The following CACNB4 variants were observed in gnomAD, a reference collection of about 807,000 sequenced individuals.
The protein encoded by CACNB4 is calcium voltage-gated channel auxiliary subunit beta 4.
A neutral mutation model predicts 71.2 loss-of-function variants in CACNB4; 32 were observed. The ratio of observed to expected loss-of-function variants is 0.45; its 90% CI spans 0.34 to 0.60. The LOEUF is 0.60. CACNB4 is among the 20% of genes least tolerant of loss of function. The probability of loss-of-function intolerance (pLI) is 0.01; values close to 1 mark genes in which losing one functional copy is unlikely to be tolerated. For synonymous variants in CACNB4, 231 were observed against 236.9 expected (o/e 0.97, Z 0.23); for missense variants, 464 against 647.9 (o/e 0.72, Z 3.08).
chr2:151,990,419 T>C (rs1031582676), intron 2 of CACNB4, among the ~76,000 whole-genome samples: 1 of 152,104 alleles, frequency 6.6e-6, no homozygotes, highest in Non-Finnish European at 1.5e-5. Context: ...CACAACCCTC[T>C]CCAGTTAGAG....
At position 151,839,305 on chromosome 2, in the gene CACNB4, A is replaced by G; in HGVS notation, c.1377T>C (p.Asp459=). 1 of 1,613,542 alleles carries G rather than the reference A, an allele frequency of 6.2e-7. No individual in the cohort carries two copies. The highest frequency in any genetic ancestry group is 8.5e-7 in the Non-Finnish European group (1 of 1,179,512). The change falls in exon 14 of 14, where the codon GAT becomes GAC. Residue 459 remains aspartate (D), a synonymous_variant. Coordinates refer to ENST00000539935, the MANE Select transcript of CACNB4 (RefSeq NM_000726.5). ...GAGCCCTTTCATTGTGATAATTTTC[A>G]TCAGAGGTCATTAGACTTCGTCTTT... ...PIERRSLMTS[D]ENYHNERARK...
intron 2 of CACNB4, among the ~76,000 whole-genome samples, chr2:152,064,903 A>G (rs1232458078): frequency 2.0e-5 from 3 of 152,212 alleles, no homozygotes; most frequent in African/African-American, 7.2e-5. Flanking sequence ...GAGAGAAACT[A>G]GACCCCCAAT....
intron 2 of CACNB4, among the ~76,000 whole-genome samples, chr2:151,945,626 A>C (rs1266256729): frequency 6.6e-6 from 1 of 152,174 alleles, no homozygotes; most frequent in Non-Finnish European, 1.5e-5. Context: ...ACTCCAGCCT[A>C]GGTGACAGAG....
intron 2 of CACNB4, among the ~76,000 whole-genome samples, chr2:151,916,194 T>G (rs1322875847): frequency 6.6e-6 from 1 of 152,206 alleles, no homozygotes; most frequent in African/African-American, 2.4e-5. Flanking sequence ...TCAGCCATCT[T>G]GGCCCCACCC....
chr2:152,006,447 G>A (rs1479389543), intron 2 of CACNB4, among the ~76,000 whole-genome samples: 4 of 145,546 alleles, frequency 2.7e-5, no homozygotes, highest in Non-Finnish European at 6.0e-5. Context: ...CTGTTGTCCA[G>A]GCTGGAGTGC....
At chr2:152,033,890 G>A (rs1227607324) in intron 2 of CACNB4, among the ~76,000 whole-genome samples, 1 of 152,298 alleles carries the variant, frequency 6.6e-6, no homozygotes, top group East Asian at 1.9e-4. Context: ...CAGTTTGTAG[G>A]TAACAGACAT....
At chr2:151,901,404 G>A (rs2099853390) in intron 2 of CACNB4, among the ~76,000 whole-genome samples, 1 of 152,136 alleles carries the variant, frequency 6.6e-6, no homozygotes, top group Non-Finnish European at 1.5e-5. Context: ...ATAAAATGTA[G>A]TAGAGGTGGG....
intron 12 of CACNB4, among the ~76,000 whole-genome samples, chr2:151,846,054 T>C (rs1055473969): frequency 6.6e-6 from 1 of 152,182 alleles, no homozygotes; most frequent in Non-Finnish European, 1.5e-5. Flanking sequence ...AAATGAATAC[T>C]TGCAAGGTCT....
chr2:152,015,482 C>A (rs190376370), intron 2 of CACNB4, among the ~76,000 whole-genome samples: 3 of 152,264 alleles, frequency 2.0e-5, no homozygotes, highest in Admixed American at 2.0e-4. Flanking sequence ...CTAGTGTCCC[C>A]CTATGGCACA....
chr2:151,971,505 C>T (rs1009244112), intron 2 of CACNB4: 5 of 702,656 alleles, frequency 7.1e-6, no homozygotes, highest in African/African-American at 3.5e-5. Flanking sequence ...AGACCTGTTC[C>T]GAGAGCTCTG....
chr2:151,994,182 A>AC (rs1038706275), intron 2 of CACNB4, among the ~76,000 whole-genome samples: 1 of 151,780 alleles, frequency 6.6e-6, no homozygotes, highest in African/African-American at 2.4e-5. Flanking sequence ...TTAAAAAAAA[A>AC]CACCACCGAG....
chr2:152,069,357 G>A (rs369849364), intron 2 of CACNB4, among the ~76,000 whole-genome samples: 1 of 152,064 alleles, frequency 6.6e-6, no homozygotes, highest in Admixed American at 6.6e-5. Flanking sequence ...GGCAGGGGAG[G>A]AGTATTTTTA....
chr2:151,920,946 G>T (rs1020361741), intron 2 of CACNB4, among the ~76,000 whole-genome samples: 1 of 151,882 alleles, frequency 6.6e-6, no homozygotes, highest in Non-Finnish European at 1.5e-5. Flanking sequence ...AGACCATCCT[G>T]GCTAACACAG....
At chr2:151,872,744 C>T in intron 5 of CACNB4, 1 of 314,348 alleles carries the variant, frequency 3.2e-6, no homozygotes, top group Non-Finnish European at 5.8e-6. Flanking sequence ...GGAAATCAGA[C>T]AAAACCATCA....
intron 2 of CACNB4, among the ~76,000 whole-genome samples, chr2:151,957,686 C>G (rs1560068343): frequency 6.6e-6 from 1 of 152,092 alleles, no homozygotes; most frequent in Non-Finnish European, 1.5e-5. Context: ...AAATATGAAT[C>G]CTAAGCCTTA....
chr2:152,031,497 C>T (rs981353714), intron 2 of CACNB4, among the ~76,000 whole-genome samples: 1 of 152,128 alleles, frequency 6.6e-6, no homozygotes, highest in Non-Finnish European at 1.5e-5. Context: ...TTGACGGGTG[C>T]TGTGTTATCT....
chr2:151,966,594 A>C (rs2099871181), intron 2 of CACNB4, among the ~76,000 whole-genome samples: 1 of 152,062 alleles, frequency 6.6e-6, no homozygotes, highest in Non-Finnish European at 1.5e-5. Flanking sequence ...GCATTATTTC[A>C]ATTACACTTT....
chr2:152,067,050 C>T (rs1168843634), intron 2 of CACNB4, among the ~76,000 whole-genome samples: 13 of 147,942 alleles, frequency 8.8e-5, no homozygotes, highest in African/African-American at 2.5e-4. Flanking sequence ...TGCTAGATGA[C>T]GAGTTAGTGG....
intron 2 of CACNB4, among the ~76,000 whole-genome samples, chr2:151,940,472 G>A (rs1192721437): frequency 6.6e-6 from 1 of 152,218 alleles, no homozygotes; most frequent in East Asian, 1.9e-4. Context: ...GTATGCTGGA[G>A]TAGGAAGCCA....
Sources: gnomAD v4.1 joint callset for allele counts (sites outside exome capture counted in the v4.1 genomes callset) on GRCh38, gnomAD v4.1.1 for gene constraint, MANE v1.5 for transcripts, NCBI Gene and HGNC (gene_info 2026-07-23, HGNC 2026-07-21) for gene names.